CADM2: variants seen among roughly 807,000 people sequenced by gnomAD.
CADM2 encodes the protein cell adhesion molecule 2.
A neutral mutation model predicts 49.8 loss-of-function variants in CADM2; 12 were observed. The ratio of observed to expected loss-of-function variants is 0.24; its 90% CI spans 0.15 to 0.39. The LOEUF (loss-of-function observed/expected upper bound fraction) is 0.39. Ranked by LOEUF, CADM2 falls within the 10% of genes least tolerant of loss-of-function variation. The probability of loss-of-function intolerance (pLI) is 1.00; values close to 1 mark genes in which losing one functional copy is unlikely to be tolerated. For synonymous variants in CADM2, 214 were observed against 175.4 expected (o/e 1.22, Z -1.74); for missense variants, 378 against 492.3 (o/e 0.77, Z 2.20).
intron 1 of CADM2, among the ~76,000 whole-genome samples, chr3:85,351,367 A>T (rs1419848265): frequency 1.3e-5 from 2 of 152,212 alleles, no homozygotes; most frequent in African/African-American, 4.8e-5. Context: ...AGGATATCAC[A>T]TCAAAATAGG....
intron 2 of CADM2, among the ~76,000 whole-genome samples, chr3:85,753,027 A>C (rs1443216153): frequency 6.6e-6 from 1 of 152,060 alleles, no homozygotes; most frequent in African/African-American, 2.4e-5. Flanking sequence ...TATTTTTGTC[A>C]TGCAGCTGCA....
At chr3:85,028,259 A>G (rs1429854495) in intron 1 of CADM2, among the ~76,000 whole-genome samples, 2 of 152,168 alleles carry the variant, frequency 1.3e-5, no homozygotes, top group Non-Finnish European at 2.9e-5. Context: ...ATTCGATGTG[A>G]TAGAATGTCA....
rs191644343 is a variant in CADM2, at chr3:85,322,184, C to T, written c.61+362516C>T. Among the ~76,000 whole-genome samples the T allele has an allele frequency of 1.7e-4, 26 of 152,158 alleles. No individual in the cohort carries two copies. The East Asian group carries it at 4.1e-3, about 24-fold the overall frequency. On this transcript the variant is annotated intron_variant, in intron 1 of 9. Coordinates refer to ENST00000383699, the MANE Select transcript of CADM2 (RefSeq NM_001167675.2). ...GTGTTCCATTGAGTTTATATAACCT[C>T]GAAAATAGTAGAAGAATATATTCAA... is the stretch of plus-strand genomic sequence containing the variant.
intron 1 of CADM2, among the ~76,000 whole-genome samples, chr3:85,260,045 G>A (rs2107887096): frequency 6.6e-6 from 1 of 151,918 alleles, no homozygotes; most frequent in East Asian, 1.9e-4. Flanking sequence ...AGTCCTGTTT[G>A]CTTTAAAATT....
intron 1 of CADM2, among the ~76,000 whole-genome samples, chr3:85,027,518 A>G (rs2034790990): frequency 6.6e-6 from 1 of 152,112 alleles, no homozygotes; most frequent in Non-Finnish European, 1.5e-5. Context: ...TCTAATAAAC[A>G]TCTTTTAAAC....
intron 1 of CADM2, among the ~76,000 whole-genome samples, chr3:85,178,485 C>T (rs1399532740): frequency 6.6e-6 from 1 of 151,758 alleles, no homozygotes; most frequent in Non-Finnish European, 1.5e-5. Context: ...GTACACTGTA[C>T]TGTTTGTAAA....
chr3:86,045,056 G>A (rs558878448), intron 8 of CADM2, among the ~76,000 whole-genome samples: 16 of 150,452 alleles, frequency 1.1e-4, no homozygotes, highest in African/African-American at 2.9e-4. Flanking sequence ...CGGGCCTGTC[G>A]TGGGGTGGTG....
At chr3:85,888,197 G>C (rs1281484782) in intron 5 of CADM2, among the ~76,000 whole-genome samples, 1 of 150,586 alleles carries the variant, frequency 6.6e-6, no homozygotes, top group African/African-American at 2.4e-5. Context: ...CCTCAAGGAG[G>C]TCATACACTT....
rs927601586 is a variant in CADM2, at chr3:85,371,151, AT to A, written c.62-355365del. On this transcript the variant is annotated intron_variant, in intron 1 of 9. Transcript: ENST00000383699. ...ATTAATTTATTATTAAAGATAGAAA[AT>A]TTTTTATATAAATTTAGTGTAACCT... Among the ~76,000 whole-genome samples the A allele has an allele frequency of 2.8e-4, 42 of 152,210 alleles. 1 individual carries two copies. Among genetic ancestry groups the A allele is most frequent in the African/African-American group, 6.5e-4 (27 of 41,544 alleles).
chr3:86,022,668 T>C (rs1733347835), intron 8 of CADM2, among the ~76,000 whole-genome samples: 1 of 152,146 alleles, frequency 6.6e-6, no homozygotes. Flanking sequence ...TTAGCTTTTT[T>C]ATTATAAATA....
At chr3:85,995,104 G>C (rs1400217274) in intron 8 of CADM2, among the ~76,000 whole-genome samples, 1 of 149,534 alleles carries the variant, frequency 6.7e-6, no homozygotes, top group African/African-American at 2.5e-5. Context: ...ACAGACAACA[G>C]CTGTTAGTGT....
intron 1 of CADM2, among the ~76,000 whole-genome samples, chr3:85,217,570 G>A (rs1034945191): frequency 2.0e-5 from 3 of 151,856 alleles, no homozygotes; most frequent in Non-Finnish European, 2.9e-5. Flanking sequence ...ATTTTCTTAT[G>A]AATGGAAACA....
intron 3 of CADM2, among the ~76,000 whole-genome samples, chr3:85,809,119 TTAA>T (rs767395446): frequency 1.4e-4 from 22 of 152,346 alleles, no homozygotes; most frequent in African/African-American, 5.1e-4. Context: ...AAATGTGAAA[TTAA>T]TAATGATAGC....
At chr3:85,865,302 C>A (rs1426978531) in intron 3 of CADM2, among the ~76,000 whole-genome samples, 1 of 152,212 alleles carries the variant, frequency 6.6e-6, no homozygotes, top group Non-Finnish European at 1.5e-5. Context: ...CTAAGCAGAC[C>A]TGTAGTTTTC....
At chr3:85,837,049 T>C (rs567196884) in intron 3 of CADM2, among the ~76,000 whole-genome samples, 1 of 151,736 alleles carries the variant, frequency 6.6e-6, no homozygotes, top group East Asian at 2.0e-4. Context: ...CAATGAATTT[T>C]TTTTCAAATG....
At chr3:86,002,600 C>G (rs1730323344) in intron 8 of CADM2, among the ~76,000 whole-genome samples, 1 of 152,128 alleles carries the variant, frequency 6.6e-6, no homozygotes, top group South Asian at 2.1e-4. Context: ...GGGAAACTTT[C>G]TAAAATTAAA....
intron 1 of CADM2, among the ~76,000 whole-genome samples, chr3:85,539,228 G>A (rs2061487730): frequency 1.4e-5 from 2 of 141,156 alleles, no homozygotes; most frequent in African/African-American, 2.5e-5. Context: ...TGACACATAA[G>A]GCTGTAATAG....
intron 8 of CADM2, among the ~76,000 whole-genome samples, chr3:85,977,635 G>A (rs1050132423): frequency 6.6e-6 from 1 of 151,486 alleles, no homozygotes; most frequent in African/African-American, 2.4e-5. Flanking sequence ...ATAACAATTA[G>A]TAAACAAGAA....
At chr3:85,783,257 T>G (rs893066312) in intron 2 of CADM2, among the ~76,000 whole-genome samples, 1 of 152,176 alleles carries the variant, frequency 6.6e-6, no homozygotes, top group Non-Finnish European at 1.5e-5. Context: ...GTTTATAAGA[T>G]TTGGTTAAAT....
Sources: allele counts gnomAD v4.1 joint callset (sites outside exome capture counted in the v4.1 genomes callset), GRCh38; gene constraint gnomAD v4.1.1; transcripts MANE v1.5; gene names NCBI Gene and HGNC (gene_info 2026-07-23, HGNC 2026-07-21).